ABCB5: variants seen among roughly 807,000 people sequenced by gnomAD.
ABCB5 encodes the protein ATP binding cassette subfamily B member 5, also known as ATP-binding cassette sub-family B member 5.
Under a neutral mutation model 144.2 loss-of-function variants are expected in ABCB5, and 155 were observed. That is an observed-to-expected ratio of 1.08 (90% CI 0.94 to 1.23). ABCB5 has a LOEUF of 1.23. Among genes scored for constraint, ABCB5 ranks in the 50% most tolerant of loss-of-function variants. The probability of loss-of-function intolerance (pLI) is 0.00; values close to 1 mark genes in which losing one functional copy is unlikely to be tolerated. For synonymous variants in ABCB5, 610 were observed against 528.6 expected (o/e 1.15, Z -2.11); for missense variants, 1,830 against 1,520.8 (o/e 1.20, Z -3.38).
At chr7:20,686,983 A>G (rs911228640) in intron 16 of ABCB5, among the ~76,000 whole-genome samples, 2 of 152,314 alleles carry the variant, frequency 1.3e-5, no homozygotes, top group East Asian at 1.9e-4. Context: ...GTGGTCCTCT[A>G]TAGCCATTTA....
At chr7:20,671,520 C>G (rs1785459178) in intron 14 of ABCB5, among the ~76,000 whole-genome samples, 1 of 152,180 alleles carries the variant, frequency 6.6e-6, no homozygotes, top group Non-Finnish European at 1.5e-5. Context: ...CTTACTGCCA[C>G]TAGAGATTAG....
intron 1 of ABCB5, among the ~76,000 whole-genome samples, chr7:20,616,440 A>G (rs1459520532): frequency 1.3e-5 from 2 of 152,222 alleles, no homozygotes; most frequent in Non-Finnish European, 2.9e-5. Flanking sequence ...CGTTAAGTGC[A>G]TCTCATGATT....
chr7:20,621,137 A>G (rs1413493203), intron 1 of ABCB5, among the ~76,000 whole-genome samples: 1 of 152,140 alleles, frequency 6.6e-6, no homozygotes, highest in Admixed American at 6.5e-5. Context: ...GCCAGATACA[A>G]AAGAAAAAAT....
intron 20 of ABCB5, among the ~76,000 whole-genome samples, chr7:20,718,622 G>A (rs763572546): frequency 1.3e-4 from 20 of 152,138 alleles, no homozygotes; most frequent in Non-Finnish European, 2.2e-4. Flanking sequence ...GGGGGGGAGG[G>A]AGGATTTGTT....
intron 14 of ABCB5, among the ~76,000 whole-genome samples, chr7:20,661,534 C>CTCTTTTTTTTTTTTTT (rs1406657803): frequency 1.5e-4 from 20 of 132,384 alleles, no homozygotes; most frequent in African/African-American, 2.6e-4. Flanking sequence ...TCTTTCTTTT[C>CTCTTTTTTTTTTTTTT]TTTTTCTTTT....
chr7:20,624,618 A>G lies in ABCB5; in HGVS notation c.53+1280A>G, dbSNP rs553843860. Among the ~76,000 whole-genome samples the G allele has an allele frequency of 4.6e-5, 7 of 152,326 alleles. No individual in the cohort carries two copies. The South Asian group carries it at 1.5e-3, about 32-fold the overall frequency. ...CTGAAAAGTGAAATTAGTGAGATAT[A>G]GGTGTGGGGTCTGGCCATGAAATAC... On this transcript the variant is annotated intron_variant, in intron 2 of 27. Coordinates refer to ENST00000404938, the MANE Select transcript of ABCB5 (RefSeq NM_001163941.2).
At chr7:20,743,520 C>T (rs1782626270) in intron 25 of ABCB5, among the ~76,000 whole-genome samples, 1 of 152,174 alleles carries the variant, frequency 6.6e-6, no homozygotes, top group Non-Finnish European at 1.5e-5. Context: ...TTATTGGAAT[C>T]AGCTCCATGA....
chr7:20,668,699 G>A (rs1332197869), intron 14 of ABCB5, among the ~76,000 whole-genome samples: 19 of 141,630 alleles, frequency 1.3e-4, no homozygotes, highest in Non-Finnish European at 2.4e-4. Context: ...TGCCCGGCCA[G>A]TCGCCCCGTC....
intron 26 of ABCB5, 94 bp from the exon 27 acceptor site, chr7:20,753,266 A>C: frequency 1.4e-6 from 2 of 1,463,252 alleles, no homozygotes; most frequent in Non-Finnish European, 1.8e-6. Context: ...CAAGAGTAGC[A>C]AAATTTGAAA....
At position 20,623,356 on chromosome 7, in the gene ABCB5, T is replaced by C. The variant is rs767241183; in HGVS notation, c.53+18T>C. The C allele has an allele frequency of 2.0e-6, 3 of 1,532,984 alleles. No individual in the cohort carries two copies. The East Asian group carries it at 7.3e-5, about 37-fold the overall frequency. 95.0% of individuals were successfully genotyped at this position (1,532,984 alleles called of 1,614,324 possible). The stretch of plus-strand genomic sequence containing the variant: ...AGAAATGGGTAAGCTCTCACTAAGT[T>C]CTGTAAGTATGCTTCCACAACTTCA... On this transcript the variant is annotated intron_variant, in intron 2 of 27. Transcript: ENST00000404938.
At position 20,645,840 on chromosome 7, in the gene ABCB5, A is replaced by G. The variant is rs1159095935; in HGVS notation, c.763A>G (p.Thr255Ala). 24 of 1,613,734 alleles carry G rather than the reference A, an allele frequency of 1.5e-5. No individual in the cohort carries two copies. The highest frequency in any genetic ancestry group is 2.0e-5 in the Non-Finnish European group (24 of 1,179,778). ...AGAAGAAGTCTTGTCATCAATCCGA[A>G]CAGTCATAGCCTTTAGGGCCCAGGA... ...VAEEVLSSIR[T>A]VIAFRAQEKE... The change falls in exon 8 of 28, where the codon ACA becomes GCA. Residue 255 changes from threonine to alanine, a missense_variant. Physicochemically the swap from Thr to Ala is moderately conservative, Grantham distance 58. Transcript: ENST00000404938.
intron 22 of ABCB5, among the ~76,000 whole-genome samples, chr7:20,727,613 T>C (rs928693916): frequency 6.6e-6 from 1 of 152,030 alleles, no homozygotes. Context: ...TGCACACTTG[T>C]AGTCCCAGCT....
intron 20 of ABCB5, among the ~76,000 whole-genome samples, chr7:20,720,910 C>G (rs1468774914): frequency 1.4e-5 from 2 of 138,160 alleles, no homozygotes; most frequent in Admixed American, 7.8e-5. Flanking sequence ...CGCCACTGCA[C>G]TCCAGCCTGG....
intron 5 of ABCB5, among the ~76,000 whole-genome samples, chr7:20,632,626 G>C (rs1371248155): frequency 6.6e-6 from 1 of 152,016 alleles, no homozygotes; most frequent in East Asian, 1.9e-4. Context: ...GTCCAACAAT[G>C]ATAGACTGGA....
intron 20 of ABCB5, among the ~76,000 whole-genome samples, chr7:20,713,260 G>T (rs1781554941): frequency 6.7e-6 from 1 of 148,414 alleles, no homozygotes; most frequent in African/African-American, 2.5e-5. Flanking sequence ...TCCAGACAGG[G>T]TCTCATTTTG....
intron 20 of ABCB5, among the ~76,000 whole-genome samples, chr7:20,708,578 A>G (rs999329505): frequency 2.6e-5 from 4 of 152,186 alleles, no homozygotes; most frequent in Non-Finnish European, 4.4e-5. Context: ...AAGCCATCAA[A>G]CTGCTGAGTG....
At chr7:20,745,911 T>C (rs193214227) in intron 26 of ABCB5, among the ~76,000 whole-genome samples, 8 of 152,342 alleles carry the variant, frequency 5.3e-5, no homozygotes, top group Admixed American at 4.6e-4. Context: ...GAGGGGCTGC[T>C]GAAGCCTCTG....
chr7:20,716,488 C>A (rs1344347880), intron 20 of ABCB5, among the ~76,000 whole-genome samples: 2 of 151,868 alleles, frequency 1.3e-5, no homozygotes, highest in South Asian at 2.1e-4. Flanking sequence ...TTTCCAGGAA[C>A]CAAGGGCAAA....
intron 17 of ABCB5, among the ~76,000 whole-genome samples, chr7:20,699,403 G>C (rs1476441263): frequency 2.6e-5 from 4 of 152,132 alleles, no homozygotes; most frequent in Non-Finnish European, 1.5e-5. Flanking sequence ...TTATTTTTAT[G>C]TTGAAATTTA....
Sources: allele counts gnomAD v4.1 joint callset (sites outside exome capture counted in the v4.1 genomes callset), GRCh38; gene constraint gnomAD v4.1.1; transcripts MANE v1.5; gene names NCBI Gene and HGNC (gene_info 2026-07-23, HGNC 2026-07-21).